The following NMU variants were observed in gnomAD, a reference collection of about 807,000 sequenced individuals.
The protein encoded by NMU is neuromedin U.
NMU carries 29 observed loss-of-function variants against 35.4 expected under a neutral mutation model. That is an observed-to-expected ratio of 0.82 (90% CI 0.61 to 1.12). The LOEUF is 1.12. Ranked by LOEUF, NMU falls within the 50% of genes most tolerant of loss-of-function variation. The pLI is 0.00. For synonymous variants in NMU, 78 were observed against 81.3 expected, an observed-to-expected ratio of 0.96 and a Z score of 0.22; for missense variants, 199 against 206.2, an observed-to-expected ratio of 0.97 and a Z score of 0.21.
At chr4:55,617,775 C>T (rs1264505584) in intron 2 of NMU, among the ~76,000 whole-genome samples, 1 of 152,148 alleles carries the variant, frequency 6.6e-6, no homozygotes, top group Non-Finnish European at 1.5e-5. Flanking sequence ...TTATGGTGTG[C>T]AGGTATCTGA....
chr4:55,618,363 TC>T (rs1185220198), intron 2 of NMU, among the ~76,000 whole-genome samples: 1 of 152,000 alleles, frequency 6.6e-6, no homozygotes, highest in African/African-American at 2.4e-5. Context: ...ATGCTCTCCC[TC>T]CCCTTGCCCC....
intron 9 of NMU, among the ~76,000 whole-genome samples, chr4:55,598,099 T>G (rs1733270062): frequency 6.9e-6 from 1 of 145,062 alleles, no homozygotes; most frequent in African/African-American, 2.5e-5. Context: ...GTTTTTTTTT[T>G]TTTTTTTTTT....
intron 6 of NMU, among the ~76,000 whole-genome samples, chr4:55,605,844 A>C (rs1733664981): frequency 6.6e-6 from 1 of 152,246 alleles, no homozygotes; most frequent in Non-Finnish European, 1.5e-5. Context: ...GCAAGACAAC[A>C]ATGTGTGAAA....
intron 2 of NMU, 140 bp from the exon 3 acceptor site, chr4:55,616,525 G>A: frequency 1.4e-6 from 1 of 720,472 alleles, no homozygotes; most frequent in South Asian, 1.6e-5. Context: ...GAAGACAGGA[G>A]CCTCAAAAAC....
intron 7 of NMU, among the ~76,000 whole-genome samples, chr4:55,603,153 T>C (rs890953212): frequency 6.6e-6 from 1 of 151,970 alleles, no homozygotes; most frequent in African/African-American, 2.4e-5. Context: ...GCCGCCACCA[T>C]GCCAGCTGAT....
At chr4:55,616,214 T>C in intron 3 of NMU, 124 bp downstream of exon 3, 1 of 740,122 alleles carries the variant, frequency 1.4e-6, no homozygotes, top group South Asian at 1.5e-5. Flanking sequence ...CTACAGCAAA[T>C]GTAATAATAT....
intron 7 of NMU, 138 bp from the exon 8 acceptor site, chr4:55,600,713 G>T: frequency 1.6e-6 from 1 of 642,672 alleles, no homozygotes; most frequent in Non-Finnish European, 2.8e-6. Context: ...CTTGAATAGA[G>T]AATTTTTGTA....
chr4:55,611,800 T>C (rs73236161), intron 3 of NMU, among the ~76,000 whole-genome samples: 7,826 of 152,326 alleles, frequency 0.051, 243 homozygotes, highest in Non-Finnish European at 0.075. Flanking sequence ...TCTATGATGT[T>C]TATACAATGA....
intron 7 of NMU, among the ~76,000 whole-genome samples, chr4:55,603,643 T>C (rs998405914): frequency 2.0e-5 from 3 of 151,760 alleles, no homozygotes; most frequent in Non-Finnish European, 4.4e-5. Context: ...CCGGGCGCAG[T>C]GGCTCACGCC....
chr4:55,619,576 C>G (rs1281791206), intron 2 of NMU, among the ~76,000 whole-genome samples: 1 of 139,850 alleles, frequency 7.2e-6, no homozygotes, highest in Non-Finnish European at 1.6e-5. Context: ...AAGGCGGCAG[C>G]GAGGCTGGGG....
intron 2 of NMU, among the ~76,000 whole-genome samples, chr4:55,618,822 T>C (rs1235006443): frequency 6.6e-6 from 1 of 151,122 alleles, no homozygotes; most frequent in Non-Finnish European, 1.5e-5. Flanking sequence ...CTTTCTTCTC[T>C]CTTTCTTCTT....
At chr4:55,612,033 G>C (rs1257296445) in intron 3 of NMU, among the ~76,000 whole-genome samples, 1 of 152,132 alleles carries the variant, frequency 6.6e-6, no homozygotes. Flanking sequence ...AGATATTATT[G>C]TGTTGCATTG....
chr4:55,624,178 T>C (rs1330934524), intron 2 of NMU, among the ~76,000 whole-genome samples: 3 of 147,088 alleles, frequency 2.0e-5, no homozygotes, highest in African/African-American at 5.0e-5. Context: ...GGGATCTAAT[T>C]AAACTAAAGA....
chr4:55,607,221 C>T, intron 6 of NMU, 77 bp downstream of exon 6: 1 of 1,008,426 alleles, frequency 9.9e-7, no homozygotes, highest in Non-Finnish European at 1.6e-6. Context: ...TCTGATCTAG[C>T]TCTATTATGC....
intron 2 of NMU, among the ~76,000 whole-genome samples, chr4:55,629,141 T>A (rs762438133): frequency 3.3e-5 from 5 of 152,224 alleles, no homozygotes; most frequent in Non-Finnish European, 5.9e-5. Context: ...GGAAAACATT[T>A]GGAAGGCATA....
At position 55,595,294 on chromosome 4, in the gene NMU, T is replaced by C. The variant is rs1484975994; in HGVS notation, c.*122A>G. ...TACAACATTGTTACAACTGAGAACA[T>C]TGACAACACAGGGATTTTCAACAGA... On this transcript the variant is annotated 3_prime_UTR_variant, in exon 10 of 10. Coordinates refer to ENST00000264218, the MANE Select transcript of NMU (RefSeq NM_006681.4). 1 of 152,490 alleles carries C rather than the reference T, an allele frequency of 6.6e-6. No individual in the cohort carries two copies. The highest frequency in any genetic ancestry group is 1.5e-5 in the Non-Finnish European group (1 of 68,004). 9.4% of individuals were successfully genotyped at this position (152,490 alleles called of 1,614,324 possible). A position where few individuals can be genotyped will look rare whatever the true frequency, so the allele number is the denominator to read the frequency against.
intron 4 of NMU, among the ~76,000 whole-genome samples, chr4:55,608,174 C>A (rs374194946): frequency 1.8e-3 from 197 of 110,360 alleles, no homozygotes; most frequent in East Asian, 2.6e-3. Context: ...GACTCCATCT[C>A]AAAAAAAAAA....
intron 1 of NMU, among the ~76,000 whole-genome samples, chr4:55,635,854 A>G (rs957985638): frequency 1.3e-5 from 2 of 152,240 alleles, no homozygotes; most frequent in South Asian, 4.1e-4. Context: ...ATCAACGAGC[A>G]GGGCCTGGGT....
chr4:55,634,014 C>T (rs896278473), intron 1 of NMU, among the ~76,000 whole-genome samples: 2 of 152,170 alleles, frequency 1.3e-5, no homozygotes, highest in South Asian at 4.1e-4. Context: ...TTCGCATGGC[C>T]ATTGTATGCT....
Sources: allele counts gnomAD v4.1 joint callset (sites outside exome capture counted in the v4.1 genomes callset), GRCh38; gene constraint gnomAD v4.1.1; transcripts MANE v1.5; gene names NCBI Gene and HGNC (gene_info 2026-07-23, HGNC 2026-07-21).